Variants in SERPINB7 observed in about 807,000 individuals in gnomAD.
SERPINB7 encodes the protein serpin family B member 7.
In SERPINB7, 31 loss-of-function variants were observed where a neutral mutation model predicts 37.4. The ratio of observed to expected loss-of-function variants is 0.83; its 90% confidence interval spans 0.62 to 1.12. The LOEUF is 1.12. Among genes scored for constraint, SERPINB7 ranks in the 50% most tolerant of loss-of-function variants. The pLI is 0.00. For missense variants in SERPINB7, 521 were observed against 455.3 expected (o/e 1.14, Z -1.31); for synonymous variants, 163 against 166.1 (o/e 0.98, Z 0.14).
intron 1 of SERPINB7, among the ~76,000 whole-genome samples, chr18:63,764,605 G>T (rs184530977): frequency 6.6e-6 from 1 of 151,760 alleles, no homozygotes; most frequent in African/African-American, 2.4e-5. Flanking sequence ...TATTTCTCTC[G>T]AAAAATAAAC....
intron 1 of SERPINB7, among the ~76,000 whole-genome samples, chr18:63,760,582 C>T (rs2144584892): frequency 6.6e-6 from 1 of 152,278 alleles, no homozygotes. Flanking sequence ...CATGGTGGCC[C>T]CTCCCATTGC....
chr18:63,801,651 G>A (rs2049550794), intron 7 of SERPINB7, among the ~76,000 whole-genome samples: 1 of 152,098 alleles, frequency 6.6e-6, no homozygotes, highest in Non-Finnish European at 1.5e-5. Flanking sequence ...TGATTGGGTG[G>A]GGATGCAGTC....
chr18:63,763,528 A>T (rs976657400), intron 1 of SERPINB7, among the ~76,000 whole-genome samples: 1 of 152,234 alleles, frequency 6.6e-6, no homozygotes, highest in Non-Finnish European at 1.5e-5. Context: ...ATTCTGATGA[A>T]GTCACAGCCA....
At chr18:63,791,772 A>G (rs1387265860) in intron 2 of SERPINB7, among the ~76,000 whole-genome samples, 2 of 142,980 alleles carry the variant, frequency 1.4e-5, no homozygotes, top group Admixed American at 1.4e-4. Flanking sequence ...CACCACAACC[A>G]GCTAATTTTT....
intron 1 of SERPINB7, among the ~76,000 whole-genome samples, chr18:63,765,016 A>C (rs1187886401): frequency 3.9e-5 from 6 of 152,208 alleles, no homozygotes; most frequent in Non-Finnish European, 8.8e-5. Flanking sequence ...CAGAAATTTA[A>C]AAGACCATAA....
intron 6 of SERPINB7, among the ~76,000 whole-genome samples, chr18:63,799,366 G>A (rs1461362709): frequency 6.6e-6 from 1 of 152,068 alleles, no homozygotes; most frequent in Admixed American, 6.5e-5. Flanking sequence ...TGTTGTATTG[G>A]GGCCCCTGCC....
upstream of SERPINB7, among the ~76,000 whole-genome samples, chr18:63,774,087 C>A (rs907415437): frequency 6.6e-6 from 1 of 151,512 alleles, no homozygotes; most frequent in Non-Finnish European, 1.5e-5. Context: ...TTTGTAGGCT[C>A]ATTTTTTTTT....
chr18:63,798,059 G>A (rs1432092108), intron 5 of SERPINB7, among the ~76,000 whole-genome samples: 2 of 152,218 alleles, frequency 1.3e-5, no homozygotes, highest in Non-Finnish European at 2.9e-5. Flanking sequence ...CTCTTTGGAT[G>A]TTGACTCTTC....
At chr18:63,763,979 G>A (rs2049167407) in intron 1 of SERPINB7, among the ~76,000 whole-genome samples, 1 of 152,148 alleles carries the variant, frequency 6.6e-6, no homozygotes, top group Non-Finnish European at 1.5e-5. Context: ...GGTCACTGTA[G>A]AGAATTGCAT....
chr18:63,784,844 G>A (rs2049348443), intron 2 of SERPINB7, among the ~76,000 whole-genome samples: 1 of 152,182 alleles, frequency 6.6e-6, no homozygotes, highest in African/African-American at 2.4e-5. Context: ...TAATGCAACA[G>A]AAGACACACG....
chr18:63,800,481 G>T (rs1272453004), intron 6 of SERPINB7, among the ~76,000 whole-genome samples: 3 of 152,052 alleles, frequency 2.0e-5, no homozygotes, highest in Admixed American at 2.0e-4. Context: ...TTATTATAGA[G>T]ACTTTTCAGT....
chr18:63,802,292 A>G (rs2085786288), intron 7 of SERPINB7, among the ~76,000 whole-genome samples: 1 of 152,176 alleles, frequency 6.6e-6, no homozygotes, highest in Non-Finnish European at 1.5e-5. Context: ...ACCACCACTG[A>G]ATCTCAGAGC....
chr18:63,770,696 C>T (rs1732219634), upstream of SERPINB7, among the ~76,000 whole-genome samples: 1 of 151,834 alleles, frequency 6.6e-6, no homozygotes, highest in South Asian at 2.1e-4. Flanking sequence ...ATTAAAGTTA[C>T]TGATATTTTA....
intron 1 of SERPINB7, among the ~76,000 whole-genome samples, chr18:63,756,612 A>C (rs1025636101): frequency 1.3e-5 from 2 of 152,190 alleles, no homozygotes; most frequent in Non-Finnish European, 2.9e-5. Context: ...ATCAGGGTGG[A>C]GGATAGGTAG....
chr18:63,788,433 G>A (rs1401731923), intron 2 of SERPINB7, among the ~76,000 whole-genome samples: 2 of 152,178 alleles, frequency 1.3e-5, no homozygotes, highest in African/African-American at 2.4e-5. Context: ...GTTGTATGAT[G>A]TCTTTGTGTT....
upstream of SERPINB7, among the ~76,000 whole-genome samples, chr18:63,771,615 G>C (rs1247409209): frequency 2.0e-5 from 3 of 151,964 alleles, no homozygotes; most frequent in East Asian, 1.9e-4. Flanking sequence ...GTAAATTAAA[G>C]GCATCCTTCT....
chr18:63,762,351 GA>G (rs2049159003), intron 1 of SERPINB7, among the ~76,000 whole-genome samples: 1 of 152,178 alleles, frequency 6.6e-6, no homozygotes, highest in Non-Finnish European at 1.5e-5. Flanking sequence ...TCTAAAATAA[GA>G]TTGTCATATT....
intron 1 of SERPINB7, among the ~76,000 whole-genome samples, chr18:63,776,488 C>T (rs115445156): frequency 0.013 from 1,928 of 151,740 alleles, 22 homozygotes; most frequent in South Asian, 0.042. Flanking sequence ...CTATCAGTGG[C>T]GTGGGAGCTG....
chr18:63,784,470 A>G (rs907075441), intron 2 of SERPINB7, among the ~76,000 whole-genome samples: 1 of 152,198 alleles, frequency 6.6e-6, no homozygotes, highest in Admixed American at 6.5e-5. Flanking sequence ...AATATAGCTC[A>G]AAGTACATCA....
Sources: allele counts gnomAD v4.1 joint callset (sites outside exome capture counted in the v4.1 genomes callset), GRCh38; gene constraint gnomAD v4.1.1; transcripts MANE v1.5; gene names NCBI Gene and HGNC (gene_info 2026-07-23, HGNC 2026-07-21).